Variants in CYP1B1 observed in about 807,000 individuals in gnomAD.
CYP1B1 encodes the protein cytochrome P450 family 1 subfamily B member 1.
CYP1B1 carries 22 observed loss-of-function variants against 29.9 expected under a neutral mutation model. The observed-to-expected ratio is 0.74, with a 90% CI of 0.53 to 1.05. The LOEUF is 1.05. Ranked by LOEUF, CYP1B1 falls within the 50% of genes least tolerant of loss-of-function variation. The pLI is 0.00. For synonymous variants in CYP1B1, 375 were observed against 320.0 expected, an observed-to-expected ratio of 1.17 and a Z score of -1.83; for missense variants, 883 against 746.9, an observed-to-expected ratio of 1.18 and a Z score of -2.12.
chr2:38,068,276 C>A lies in CYP1B1; in HGVS notation c.*2446G>T, dbSNP rs942323901. 5.9e-5 allele frequency: 13 copies of A among 220,224 alleles called. No homozygotes were observed. The highest frequency in any genetic ancestry group is 1.2e-4 in the Non-Finnish European group (13 of 109,972). 13.6% of individuals were successfully genotyped at this position (220,224 alleles called of 1,614,324 possible). On this transcript the variant is annotated 3_prime_UTR_variant, in exon 3 of 3. Transcript: ENST00000610745. ...GTTATTTTCATTCGTTTTTTGTTTT[C>A]TTTTCCTTTCTTTAACTAGGTTATA...
In CYP1B1 at chr2:38,075,101, C is replaced by T. The variant is rs1486123014; in HGVS notation, c.288G>A (p.Val96=). Residue 96 remains valine, a synonymous_variant, in exon 2 of 3, where the codon GTG becomes GTA. Coordinates refer to ENST00000610745, the MANE Select transcript of CYP1B1 (RefSeq NM_000104.4). ...QIRLGSCPIV[V]LNGERAIHQA... is the part of the protein sequence containing the mutation. ...GGTGGATGGCGCGCTCGCCATTCAG[C>T]ACCACTATGGGGCAGCTGCCCAGGC... The T allele has an allele frequency of 6.3e-7, 1 of 1,581,160 alleles. No homozygotes were observed. Among genetic ancestry groups the T allele is most frequent in the Non-Finnish European group, 8.5e-7 (1 of 1,171,370 alleles).
In CYP1B1 at chr2:38,070,854, A is replaced by T; in HGVS notation, c.1500T>A (p.Pro500=). The T allele has an allele frequency of 6.2e-7, 1 of 1,614,188 alleles. No homozygotes were observed. The highest frequency in any genetic ancestry group is 8.5e-7 in the Non-Finnish European group (1 of 1,180,032). The part of the protein sequence containing the change: ...QCDFRANPNE[P]AKMNFSYGLT... ...GACCATAACTGAAATTCATTTTCGC[A>T]GGCTCATTTGGGTTGGCCCTGAAAT... Residue 500 remains proline (P), a synonymous_variant, in exon 3 of 3, where the codon CCT becomes CCA. Coordinates refer to ENST00000610745, the MANE Select transcript of CYP1B1 (RefSeq NM_000104.4).
In CYP1B1 at chr2:38,070,895, G is replaced by A; in HGVS notation, c.1459C>T (p.Leu487=). 6 of 1,614,144 alleles carry A rather than the reference G, an allele frequency of 3.7e-6. No individual in the cohort carries two copies. Among genetic ancestry groups the A allele is most frequent in the Middle Eastern group, 1.6e-4 (1 of 6,062 alleles). ...KMQLFLFISI[L]AHQCDFRANP... is the part of the protein sequence containing the mutation. Reference sequence around the variant, plus strand: ...GCCCTGAAATCGCACTGGTGAGCCAGGATGGAGATGAAGAGAAAAAGCTGC... The same window carrying A: ...GCCCTGAAATCGCACTGGTGAGCCAAGATGGAGATGAAGAGAAAAAGCTGC... The change falls in exon 3 of 3, where the codon CTG becomes TTG. Residue 487 remains leucine (L), a synonymous_variant. Transcript: ENST00000610745.
rs1366111120 is a variant in CYP1B1, at chr2:38,074,987, G to A, written c.402C>T (p.Phe134=). The change falls in exon 2 of 3, where the codon TTC becomes TTT. Residue 134 remains phenylalanine, a synonymous_variant. Transcript: ENST00000610745. ...CCTTCCAGTGCTCCGAGTAGTGGCC[G>A]AAAGCCATGCTGCGGCCGCCGGACA... ...RVVSGGRSMA[F]GHYSEHWKVQ... 2.5e-6 allele frequency: 4 copies of A among 1,587,862 alleles called. No homozygotes were observed. The highest frequency in any genetic ancestry group is 3.4e-6 in the Non-Finnish European group (4 of 1,175,096).
At position 38,075,047 on chromosome 2, in the gene CYP1B1, G is replaced by A. The variant is rs753937479; in HGVS notation, c.342C>T (p.Phe114=). ...AGGAGGCGAAGGCCGGCCGGTCGGC[G>A]AAGGCCGAGCCCTGCTGCACCAGGG... The part of the protein sequence containing the change: ...HQALVQQGSA[F]ADRPAFASFR... Residue 114 remains phenylalanine (F), a synonymous_variant, in exon 2 of 3, where the codon TTC becomes TTT. Transcript: ENST00000610745. 2 of 1,587,094 alleles carry A rather than the reference G, an allele frequency of 1.3e-6. No individual in the cohort carries two copies. Among genetic ancestry groups the A allele is most frequent in the African/African-American group, 1.3e-5 (1 of 74,708 alleles).
Position 38,070,930 on chromosome 2 carries a change from A to G in CYP1B1, c.1424T>C (p.Leu475Pro), listed in dbSNP as rs1682416326. 1 of 1,614,104 alleles carries G rather than the reference A, an allele frequency of 6.2e-7. No individual in the cohort carries two copies. The highest frequency in any genetic ancestry group is 2.2e-5 in the East Asian group (1 of 44,900). The change falls in exon 3 of 3, where the codon CTT becomes CCT. Residue 475 changes from leucine to proline, a missense_variant. By Grantham distance (98) the Leu-to-Pro change is moderately conservative (BLOSUM62 -3). Coordinates refer to ENST00000610745, the MANE Select transcript of CYP1B1 (RefSeq NM_000104.4). ...VGKRRCIGEE[L>P]SKMQLFLFIS... ...GAAGAGAAAAAGCTGCATCTTAGAA[A>G]GTTCTTCGCCAATGCACCGCCTTTT... is the stretch of plus-strand genomic sequence containing the variant.
Position 38,068,925 on chromosome 2 carries a change from C to G in CYP1B1, c.*1797G>C, listed in dbSNP as rs1389025421. On this transcript the variant is annotated 3_prime_UTR_variant, in exon 3 of 3. Coordinates refer to ENST00000610745, the MANE Select transcript of CYP1B1 (RefSeq NM_000104.4). ...TTTCTCTTACCATCCCCCCACCCCA[C>G]ACACACATACACACAACTATCAAAA... 1 of 228,488 alleles carries G rather than the reference C, an allele frequency of 4.4e-6. No homozygotes were observed. The highest frequency in any genetic ancestry group is 2.2e-5 in the African/African-American group (1 of 45,082). 14.2% of individuals were successfully genotyped at this position (228,488 alleles called of 1,614,324 possible). A position where few individuals can be genotyped will look rare whatever the true frequency, so the allele number is the denominator to read the frequency against.
At position 38,075,192 on chromosome 2, in the gene CYP1B1, A is replaced by G. The variant is rs1682511402; in HGVS notation, c.197T>C (p.Val66Ala). 1.3e-6 allele frequency: 2 copies of G among 1,571,144 alleles called. No individual in the cohort carries two copies. The highest frequency in any genetic ancestry group is 1.1e-5 in the South Asian group (1 of 88,006). ...AWPLIGNAAA[V>A]GQAAHLSFAR... ...GAACGAGAGGTGAGCCGCCTGGCCC[A>G]CCGCCGCCGCGTTTCCGATCAGTGG... is the stretch of plus-strand genomic sequence containing the variant. Residue 66 changes from valine to alanine, a missense_variant, in exon 2 of 3, where the codon GTG (valine) becomes GCG (alanine). Coordinates refer to ENST00000610745, the MANE Select transcript of CYP1B1 (RefSeq NM_000104.4).
Position 38,074,452 on chromosome 2 carries a change from CG to C in CYP1B1, c.936del (p.Ala313ArgfsTer115), listed in dbSNP as rs1259313134. The part of the protein sequence containing the change: ...KKAAGDSHGG[G>X]ARLDLENVPA... ...GGTACGTTCTCCAAATCCAGCCGCG[CG>C]CCACCACCGTGCGAGTCCCCGGCCG... On this transcript the variant is annotated frameshift_variant, in exon 2 of 3. Coordinates refer to ENST00000610745, the MANE Select transcript of CYP1B1 (RefSeq NM_000104.4). LOFTEE classifies it high-confidence loss of function. The C allele has an allele frequency of 6.2e-7, 1 of 1,613,066 alleles. No individual in the cohort carries two copies. Among genetic ancestry groups the C allele is most frequent in the Non-Finnish European group, 8.5e-7 (1 of 1,179,842 alleles).
In CYP1B1 at chr2:38,074,788, C is replaced by T; in HGVS notation, c.601G>A (p.Val201Met). ...LDPRPLTVVA[V>M]ANVMSAVCFG... The stretch of plus-strand genomic sequence containing the variant: ...CACACGGCACTCATGACGTTGGCCA[C>T]GGCCACGACGGTCAGCGGCCTCGGG... Residue 201 changes from valine to methionine, a missense_variant, in exon 2 of 3, where the codon GTG becomes ATG. By Grantham distance (21) the Val-to-Met change is conservative. Transcript: ENST00000610745. The T allele has an allele frequency of 3.2e-6, 5 of 1,587,106 alleles. No individual in the cohort carries two copies. Among genetic ancestry groups the T allele is most frequent in the East Asian group, 2.3e-5 (1 of 43,462 alleles).
In CYP1B1 at chr2:38,075,760, G is replaced by C. The variant is rs936019328; in HGVS notation, c.-2+20C>G. 3 of 305,404 alleles carry C rather than the reference G, an allele frequency of 9.8e-6. No individual in the cohort carries two copies. The East Asian group carries it at 2.2e-4, about 23-fold the overall frequency. 18.9% of individuals were successfully genotyped at this position (305,404 alleles called of 1,614,324 possible). ...CCATCTGAAGAGGTCGCCGGGCAGC[G>C]CCTCGGCAGACAGACTGACCTGCGG... is the stretch of plus-strand genomic sequence containing the variant. On this transcript the variant is annotated intron_variant, in intron 1 of 2. Transcript: ENST00000610745.
chr2:38,073,797 T>G (rs1682474120), intron 2 of CYP1B1: 5 of 153,678 alleles, frequency 3.3e-5, no homozygotes, highest in Admixed American at 2.6e-4. Flanking sequence ...TCTGAAAGTT[T>G]CTGTGCGGGT....
In CYP1B1 at chr2:38,071,087, T is replaced by A. The variant is rs104893629; in HGVS notation, c.1267A>T (p.Asn423Tyr). Reference protein sequence around the residue: ...HIPKDTVVFVNQWSVNHDPLK... With the variant: ...HIPKDTVVFVYQWSVNHDPLK... ...GGGTCATGATTCACAGACCACTGGT[T>A]GACAAAAACCACAGTGTCCTTGGGA... Residue 423 changes from asparagine to tyrosine, a missense_variant, in exon 3 of 3, where the codon AAC (asparagine) becomes TAC (tyrosine). Asn to Tyr is a moderately radical substitution (Grantham distance 143). Transcript: ENST00000610745. The A allele has an allele frequency of 1.1e-5, 18 of 1,612,620 alleles. No homozygotes were observed. The highest frequency in any genetic ancestry group is 1.5e-5 in the Non-Finnish European group (18 of 1,178,816).
rs1166896850 is a variant in CYP1B1, at chr2:38,069,084, A to G, written c.*1638T>C. The G allele has an allele frequency of 1.3e-5, 3 of 226,124 alleles. No homozygotes were observed. The highest frequency in any genetic ancestry group is 5.7e-5 in the Admixed American group (1 of 17,576). The allele number at this position is 226,124 out of a possible 1,614,324, so 14.0% of individuals were successfully genotyped here. On this transcript the variant is annotated 3_prime_UTR_variant, in exon 3 of 3. Coordinates refer to ENST00000610745, the MANE Select transcript of CYP1B1 (RefSeq NM_000104.4). ...ATGAACTTTAAAACTTGAAACTTCA[A>G]TTCACTTTTCTAAATGTGAATGCAT...
Position 38,068,241 on chromosome 2 carries a change from T to C in CYP1B1, c.*2481A>G. 1 of 218,658 alleles carries C rather than the reference T, an allele frequency of 4.6e-6. No individual in the cohort carries two copies. The highest frequency in any genetic ancestry group is 9.2e-6 in the Non-Finnish European group (1 of 108,774). 13.5% of individuals were successfully genotyped at this position (218,658 alleles called of 1,614,324 possible). A position where few individuals can be genotyped will look rare whatever the true frequency, so the allele number is the denominator to read the frequency against. ...AAGCAGTAATCTGATTACTCCAGCC[T>C]CCAAATTCAGTTATTTTCATTCGTT... On this transcript the variant is annotated 3_prime_UTR_variant, in exon 3 of 3. Coordinates refer to ENST00000610745, the MANE Select transcript of CYP1B1 (RefSeq NM_000104.4).
chr2:38,072,636 C>T (rs1682452565), intron 2 of CYP1B1, among the ~76,000 whole-genome samples: 1 of 152,098 alleles, frequency 6.6e-6, no homozygotes, highest in Non-Finnish European at 1.5e-5. Flanking sequence ...TTTTTAGAAT[C>T]GCTTCTTCAA....
chr2:38,070,656 A>T lies in CYP1B1; in HGVS notation c.*66T>A, dbSNP rs919584970. The T allele has an allele frequency of 1.4e-6, 2 of 1,442,458 alleles. No homozygotes were observed. Among genetic ancestry groups the T allele is most frequent in the Non-Finnish European group, 9.8e-7 (1 of 1,025,056 alleles). 89.4% of individuals were successfully genotyped at this position (1,442,458 alleles called of 1,614,324 possible). A position where few individuals can be genotyped will look rare whatever the true frequency, so the allele number is the denominator to read the frequency against. On this transcript the variant is annotated 3_prime_UTR_variant, in exon 3 of 3. Coordinates refer to ENST00000610745, the MANE Select transcript of CYP1B1 (RefSeq NM_000104.4). ...AGCACAAAAGAGGAACTGGAAAAAA[A>T]CTGAATTTTACTCCTCATCTCCGAA...
Position 38,074,464 on chromosome 2 carries a change from G to A in CYP1B1, c.925C>T (p.His309Tyr), listed in dbSNP as rs764907266. The A allele has an allele frequency of 6.2e-7, 1 of 1,613,132 alleles. No individual in the cohort carries two copies. Among genetic ancestry groups the A allele is most frequent in the Non-Finnish European group, 8.5e-7 (1 of 1,179,802 alleles). The change falls in exon 2 of 3, where the codon CAC (histidine) becomes TAC (tyrosine). Residue 309 changes from histidine to tyrosine, a missense_variant. His to Tyr is a moderately conservative substitution (Grantham distance 83, BLOSUM62 2). Transcript: ENST00000610745. ...SAEKKAAGDS[H>Y]GGGARLDLEN... Reference sequence around the variant, plus strand: ...AAATCCAGCCGCGCGCCACCACCGTGCGAGTCCCCGGCCGCCTTCTTTTCC... The same window carrying A: ...AAATCCAGCCGCGCGCCACCACCGTACGAGTCCCCGGCCGCCTTCTTTTCC...
rs1682360063 is a variant in CYP1B1 at position 38,068,547 on chromosome 2, G to A, written c.*2175C>T. 4.4e-6 allele frequency: 1 copy of A among 226,928 alleles called. No individual in the cohort carries two copies. Among genetic ancestry groups the A allele is most frequent in the Non-Finnish European group, 8.8e-6 (1 of 113,930 alleles). The allele number at this position is 226,928 out of a possible 1,614,324, so 14.1% of individuals were successfully genotyped here. On this transcript the variant is annotated 3_prime_UTR_variant, in exon 3 of 3. Coordinates refer to ENST00000610745, the MANE Select transcript of CYP1B1 (RefSeq NM_000104.4). ...CCAAATTCACTGTCTCAGCCTTGGT[G>A]GGGCATAATATTTTGGAATGGCAAG...
Sources: gnomAD v4.1 joint callset for allele counts (sites outside exome capture counted in the v4.1 genomes callset) on GRCh38, gnomAD v4.1.1 for gene constraint, MANE v1.5 for transcripts, NCBI Gene and HGNC (gene_info 2026-07-23, HGNC 2026-07-21) for gene names.